CCDC85A: variants seen among roughly 807,000 people sequenced by gnomAD.
CCDC85A encodes the protein coiled-coil domain-containing protein 85A.
In CCDC85A, 38 loss-of-function variants were observed where a neutral mutation model predicts 50.2. The observed-to-expected ratio is 0.76, with a 90% CI of 0.58 to 0.99. CCDC85A has a LOEUF of 0.99. Ranked by LOEUF, CCDC85A falls within the 50% of genes least tolerant of loss-of-function variation. CCDC85A has a pLI of 0.00. For missense variants in CCDC85A, 820 were observed against 742.0 expected, an observed-to-expected ratio of 1.11 and a Z score of -1.22; for synonymous variants, 366 against 301.4, an observed-to-expected ratio of 1.21 and a Z score of -2.22.
intron 5 of CCDC85A, among the ~76,000 whole-genome samples, chr2:56,381,510 C>A (rs1485443220): frequency 6.6e-6 from 1 of 151,928 alleles, no homozygotes; most frequent in Non-Finnish European, 1.5e-5. Flanking sequence ...AGATATGAAC[C>A]CCTGGGTAAG....
At chr2:56,231,610 T>A (rs1668776625) in intron 2 of CCDC85A, among the ~76,000 whole-genome samples, 1 of 152,186 alleles carries the variant, frequency 6.6e-6, no homozygotes, top group Admixed American at 6.5e-5. Flanking sequence ...GGCAGTATTT[T>A]TTTTTTTAAC....
At chr2:56,231,680 G>A (rs1028941031) in intron 2 of CCDC85A, among the ~76,000 whole-genome samples, 6 of 151,978 alleles carry the variant, frequency 3.9e-5, no homozygotes, top group Admixed American at 2.0e-4. Flanking sequence ...GGCTTTAGAC[G>A]GGTCTCTCTA....
At chr2:56,301,917 T>G (rs943631559) in intron 2 of CCDC85A, among the ~76,000 whole-genome samples, 1 of 152,120 alleles carries the variant, frequency 6.6e-6, no homozygotes, top group African/African-American at 2.4e-5. Context: ...GTAACAAACC[T>G]GCACATTCTG....
At chr2:56,315,247 C>T (rs1672869440) in intron 2 of CCDC85A, among the ~76,000 whole-genome samples, 1 of 152,074 alleles carries the variant, frequency 6.6e-6, no homozygotes, top group South Asian at 2.1e-4. Context: ...ATTTTGTTAT[C>T]AAGAGTAGGA....
In CCDC85A at chr2:56,241,002, G is replaced by T. The variant is rs182212917; in HGVS notation, c.1240+47562G>T. Among the ~76,000 whole-genome samples, 483 of 152,058 alleles carry T rather than the reference G, an allele frequency of 3.2e-3. 8 individuals are homozygous for T. The highest frequency in any genetic ancestry group is 0.011 in the African/African-American group (468 of 41,468). On this transcript the variant is annotated intron_variant, in intron 2 of 5. Transcript: ENST00000407595. ...ACATTCCTACCAATAATATATGAGG[G>T]TTTCAATTTCTCCATATTATTGCCA...
chr2:56,381,917 T>A (rs1676602344), intron 5 of CCDC85A, among the ~76,000 whole-genome samples: 1 of 152,048 alleles, frequency 6.6e-6, no homozygotes, highest in Non-Finnish European at 1.5e-5. Flanking sequence ...TTATTTTTAT[T>A]TTTTAGTGTA....
At chr2:56,271,807 A>G (rs886982447) in intron 2 of CCDC85A, among the ~76,000 whole-genome samples, 7 of 152,204 alleles carry the variant, frequency 4.6e-5, no homozygotes, top group Admixed American at 6.5e-5. Flanking sequence ...GAGTAAGCTC[A>G]GAGGCAGAAA....
intron 3 of CCDC85A, among the ~76,000 whole-genome samples, chr2:56,351,948 AATG>A (rs1674968296): frequency 1.3e-5 from 2 of 152,204 alleles, no homozygotes; most frequent in South Asian, 4.1e-4. Flanking sequence ...CCTGAATGGT[AATG>A]CCTAGGTTTT....
intron 2 of CCDC85A, among the ~76,000 whole-genome samples, chr2:56,261,097 C>T (rs1670198205): frequency 6.6e-6 from 1 of 152,162 alleles, no homozygotes; most frequent in Non-Finnish European, 1.5e-5. Flanking sequence ...CACTTTTCCC[C>T]AGGTGATCTT....
At chr2:56,325,110 C>T (rs761347863) in intron 2 of CCDC85A, among the ~76,000 whole-genome samples, 12 of 151,708 alleles carry the variant, frequency 7.9e-5, no homozygotes, top group Non-Finnish European at 1.0e-4. Context: ...TTTAATAATG[C>T]GATTTTATAA....
intron 2 of CCDC85A, among the ~76,000 whole-genome samples, chr2:56,235,952 A>T (rs377582452): frequency 1.4e-4 from 21 of 152,198 alleles, no homozygotes; most frequent in Non-Finnish European, 1.5e-5. Flanking sequence ...AAGGGGGTAC[A>T]TTCCTGCTGG....
Position 56,192,855 on chromosome 2 carries a change from A to G in CCDC85A, c.655A>G (p.Thr219Ala). The change falls in exon 2 of 6, where the codon ACT becomes GCT. Residue 219 changes from threonine (T) to alanine (A), a missense_variant. Thr to Ala is a moderately conservative substitution (Grantham distance 58). Coordinates refer to ENST00000407595, the MANE Select transcript of CCDC85A (RefSeq NM_001080433.2). This position sits in a 1 kb window ranked among gnomAD's most constrained non-coding sequence, Gnocchi z 4.7. ...DGSSTSSTGS[T>A]DSPDHHKHHA... ...CAGCAGCACCTCCAGCACTGGCAGC[A>G]CTGACAGCCCGGACCACCACAAGCA... is the stretch of plus-strand genomic sequence containing the variant. 6.2e-7 allele frequency: 1 copy of G among 1,613,326 alleles called. No homozygotes were observed. The highest frequency in any genetic ancestry group is 8.5e-7 in the Non-Finnish European group (1 of 1,179,714).
At chr2:56,376,180 T>C (rs985751924) in intron 5 of CCDC85A, among the ~76,000 whole-genome samples, 1 of 152,216 alleles carries the variant, frequency 6.6e-6, no homozygotes, top group East Asian at 1.9e-4. Context: ...GTGATTCATA[T>C]CTATCGGCAT....
intron 2 of CCDC85A, among the ~76,000 whole-genome samples, chr2:56,298,301 G>A (rs142313227): frequency 6.6e-6 from 1 of 152,230 alleles, no homozygotes; most frequent in East Asian, 1.9e-4. Flanking sequence ...GTTCTGGTGT[G>A]TGAATAAATG....
At chr2:56,376,661 TATCTC>T (rs1323303258) in intron 5 of CCDC85A, among the ~76,000 whole-genome samples, 7 of 152,184 alleles carry the variant, frequency 4.6e-5, no homozygotes, top group African/African-American at 7.2e-5. Flanking sequence ...AATATTTACT[TATCTC>T]AAAGAAGAAA....
At chr2:56,217,975 T>C (rs1057354773) in intron 2 of CCDC85A, among the ~76,000 whole-genome samples, 14 of 151,882 alleles carry the variant, frequency 9.2e-5, no homozygotes, top group East Asian at 1.9e-4. Context: ...AAAAGCATCA[T>C]TGAATTGGTT....
At position 56,385,093 on chromosome 2, in the gene CCDC85A, T is replaced by C. The variant is rs879829277; in HGVS notation, c.*738T>C. On this transcript the variant is annotated 3_prime_UTR_variant, in exon 6 of 6. Transcript: ENST00000407595. ...AATGAGTTTCTCATAAAGACACATC[T>C]TGGGGCATACCAACCTTCATATTCA... The C allele has an allele frequency of 1.7e-4, 26 of 152,122 alleles. No individual in the cohort carries two copies. The highest frequency in any genetic ancestry group is 2.9e-4 in the Non-Finnish European group (20 of 67,800). 9.4% of individuals were successfully genotyped at this position (152,122 alleles called of 1,614,324 possible).
At chr2:56,196,687 T>C (rs1676533565) in intron 2 of CCDC85A, among the ~76,000 whole-genome samples, 1 of 152,180 alleles carries the variant, frequency 6.6e-6, no homozygotes, top group Admixed American at 6.5e-5. Flanking sequence ...TTATTGGCCT[T>C]CAAGACAAAG....
At chr2:56,190,440 G>T (rs1676246583) in intron 1 of CCDC85A, among the ~76,000 whole-genome samples, 1 of 152,186 alleles carries the variant, frequency 6.6e-6, no homozygotes, top group East Asian at 1.9e-4. Context: ...CATAGATGAG[G>T]TCTCTGTTCT....
Sources: gnomAD v4.1 joint callset for allele counts (sites outside exome capture counted in the v4.1 genomes callset) on GRCh38, gnomAD v4.1.1 for gene constraint, Gnocchi (gnomAD v3.1) non-coding constraint, MANE v1.5 for transcripts, NCBI Gene and HGNC (gene_info 2026-07-23, HGNC 2026-07-21) for gene names.